The following NCAM2 variants were observed in gnomAD, a reference collection of about 807,000 sequenced individuals.
NCAM2 encodes neural cell adhesion molecule 2.
A neutral mutation model predicts 98.1 loss-of-function variants in NCAM2; 30 were observed. The observed-to-expected ratio is 0.31, with a 90% CI of 0.23 to 0.41. The LOEUF (loss-of-function observed/expected upper bound fraction) is 0.41. Ranked by LOEUF, NCAM2 falls within the 10% of genes least tolerant of loss-of-function variation. NCAM2 has a pLI of 1.00. For synonymous variants in NCAM2, 368 were observed against 342.4 expected, an observed-to-expected ratio of 1.07 and a Z score of -0.83; for missense variants, 867 against 1,005.8, an observed-to-expected ratio of 0.86 and a Z score of 1.87.
rs529179114 is a variant in NCAM2, at chr21:21,335,648, C to G, written c.881C>G (p.Ala294Gly). The G allele has an allele frequency of 1.2e-6, 2 of 1,606,234 alleles. No individual in the cohort carries two copies. Among genetic ancestry groups the G allele is most frequent in the East Asian group, 4.5e-5 (2 of 44,508 alleles). ...TNKAGEDEKQ[A>G]FLQVFVQPHI... ...AAGGCAGGAGAAGATGAAAAGCAAG[C>G]TTTCCTCCAAGTCTTTGGTAAGTAT... is the stretch of plus-strand genomic sequence containing the variant. Residue 294 changes from alanine (A) to glycine (G), a missense_variant, in exon 7 of 18, where the codon GCT becomes GGT. Coordinates refer to ENST00000400546, the MANE Select transcript of NCAM2 (RefSeq NM_004540.5).
chr21:21,204,802 T>A (rs1455755790), intron 1 of NCAM2, among the ~76,000 whole-genome samples: 11 of 152,172 alleles, frequency 7.2e-5, no homozygotes. Context: ...GGAAAATGTT[T>A]TTCTTAATTG....
At chr21:21,175,153 A>G (rs1238619068) in intron 1 of NCAM2, among the ~76,000 whole-genome samples, 5 of 152,210 alleles carry the variant, frequency 3.3e-5, no homozygotes, top group Non-Finnish European at 5.9e-5. Flanking sequence ...GTAGAAGAGC[A>G]AGATCACAAA....
At chr21:21,117,879 T>G (rs1007536918) in intron 1 of NCAM2, among the ~76,000 whole-genome samples, 5 of 152,190 alleles carry the variant, frequency 3.3e-5, no homozygotes, top group African/African-American at 1.2e-4. Flanking sequence ...GGCTTAGTAT[T>G]AGGGTATACT....
intron 9 of NCAM2, among the ~76,000 whole-genome samples, chr21:21,383,808 A>C (rs1314053594): frequency 6.6e-6 from 1 of 151,940 alleles, no homozygotes; most frequent in East Asian, 1.9e-4. Flanking sequence ...TATTTTTATT[A>C]TTTTTCTTTT....
chr21:21,421,752 A>G (rs2077115900), intron 11 of NCAM2, among the ~76,000 whole-genome samples: 1 of 152,186 alleles, frequency 6.6e-6, no homozygotes, highest in Non-Finnish European at 1.5e-5. Flanking sequence ...TTTGCCTTGT[A>G]AAAGGTCAAG....
At chr21:21,423,970 C>A (rs956277642) in intron 11 of NCAM2, among the ~76,000 whole-genome samples, 1 of 152,094 alleles carries the variant, frequency 6.6e-6, no homozygotes, top group Non-Finnish European at 1.5e-5. Flanking sequence ...GTCTGTGTAC[C>A]TAGATTTTAT....
chr21:21,011,109 G>A, intron 1 of NCAM2, among the ~76,000 whole-genome samples: 1 of 151,706 alleles, frequency 6.6e-6, no homozygotes, highest in South Asian at 2.1e-4. Flanking sequence ...AGTATTTGGT[G>A]AATTAATTGA....
At chr21:21,060,603 T>C (rs2065301499) in intron 1 of NCAM2, among the ~76,000 whole-genome samples, 1 of 152,136 alleles carries the variant, frequency 6.6e-6, no homozygotes, top group African/African-American at 2.4e-5. Flanking sequence ...TGATGGAATA[T>C]AAATCTATCA....
rs1295284883 is a variant in NCAM2, at chr21:21,540,506, T to G, written c.*2549T>G. ...TTTTTTTAATATTTCAATGGAATGC[T>G]CCAAATGATTTATAAAAATTTCAAA... is the stretch of plus-strand genomic sequence containing the variant. On this transcript the variant is annotated 3_prime_UTR_variant, in exon 18 of 18. Coordinates refer to ENST00000400546, the MANE Select transcript of NCAM2 (RefSeq NM_004540.5). 2.0e-5 allele frequency: 3 copies of G among 151,932 alleles called. No individual in the cohort carries two copies. The highest frequency in any genetic ancestry group is 7.2e-5 in the African/African-American group (3 of 41,402). The allele number at this position is 151,932 out of a possible 1,614,324, so 9.4% of individuals were successfully genotyped here.
At chr21:21,383,910 A>C (rs1480318447) in intron 9 of NCAM2, among the ~76,000 whole-genome samples, 1 of 152,060 alleles carries the variant, frequency 6.6e-6, no homozygotes. Flanking sequence ...TAAACTACAA[A>C]ATTTAAAAAA....
intron 1 of NCAM2, among the ~76,000 whole-genome samples, chr21:21,067,290 A>G (rs2065461150): frequency 6.6e-6 from 1 of 152,070 alleles, no homozygotes; most frequent in African/African-American, 2.4e-5. Context: ...TTTCTAGAAA[A>G]AATAAACTTC....
intron 15 of NCAM2, among the ~76,000 whole-genome samples, chr21:21,483,215 A>G (rs568910436): frequency 2.6e-5 from 4 of 152,070 alleles, no homozygotes; most frequent in Non-Finnish European, 5.9e-5. Flanking sequence ...TCCTGAAGAC[A>G]TGTCTAATTT....
At chr21:21,188,383 G>A (rs1411680215) in intron 1 of NCAM2, among the ~76,000 whole-genome samples, 2 of 151,806 alleles carry the variant, frequency 1.3e-5, no homozygotes, top group Admixed American at 6.6e-5. Context: ...ATGGTGTTAT[G>A]GTATAATTAC....
intron 9 of NCAM2, among the ~76,000 whole-genome samples, chr21:21,403,912 TTAAAA>T (rs548470410): frequency 6.4e-4 from 98 of 152,264 alleles, no homozygotes; most frequent in African/African-American, 2.3e-3. Context: ...AGCTCTGTCA[TTAAAA>T]TATGAGTTCA....
chr21:21,065,676 A>AT (rs2065421128), intron 1 of NCAM2, among the ~76,000 whole-genome samples: 2 of 152,272 alleles, frequency 1.3e-5, no homozygotes, highest in South Asian at 4.1e-4. Context: ...TTCAAGACAA[A>AT]TTCAATATTC....
intron 16 of NCAM2, among the ~76,000 whole-genome samples, chr21:21,524,058 ACAAT>A (rs1311621569): frequency 2.0e-5 from 3 of 151,962 alleles, no homozygotes; most frequent in Non-Finnish European, 4.4e-5. Flanking sequence ...ACACACACAC[ACAAT>A]AAGAATAATG....
intron 1 of NCAM2, among the ~76,000 whole-genome samples, chr21:21,250,302 C>T (rs1295705331): frequency 6.6e-6 from 1 of 152,152 alleles, no homozygotes; most frequent in Non-Finnish European, 1.5e-5. Flanking sequence ...CTCATGCTCT[C>T]TAGGGAGGTG....
intron 10 of NCAM2, among the ~76,000 whole-genome samples, chr21:21,413,035 A>G (rs1432192624): frequency 6.6e-6 from 1 of 152,190 alleles, no homozygotes; most frequent in Non-Finnish European, 1.5e-5. Context: ...TATATATTCA[A>G]ACTTTTAAAA....
chr21:21,100,004 TTTCCTTCC>T (rs1269257868), intron 1 of NCAM2, among the ~76,000 whole-genome samples: 8 of 151,968 alleles, frequency 5.3e-5, no homozygotes, highest in African/African-American at 1.9e-4. Context: ...AGTGTGTCTT[TTTCCTTCC>T]TTTCTAACCT....
Sources: gnomAD v4.1 joint callset for allele counts (sites outside exome capture counted in the v4.1 genomes callset) on GRCh38, gnomAD v4.1.1 for gene constraint, MANE v1.5 for transcripts, NCBI Gene and HGNC (gene_info 2026-07-23, HGNC 2026-07-21) for gene names.